Variants in TENM2 observed in about 807,000 individuals in gnomAD.
TENM2 encodes the protein teneurin-2.
TENM2 carries 52 observed loss-of-function variants against 245.2 expected under a neutral mutation model. The ratio of observed to expected loss-of-function variants is 0.21; its 90% CI spans 0.17 to 0.27. The LOEUF (loss-of-function observed/expected upper bound fraction) is 0.27, where lower values mean the gene tolerates loss of function less well. Among genes scored for constraint, TENM2 ranks in the 10% least tolerant of loss-of-function variants. The pLI is 1.00. For synonymous variants in TENM2, 1,363 were observed against 1,438.9 expected (o/e 0.95, Z 1.19); for missense variants, 3,046 against 3,666.8 (o/e 0.83, Z 4.37).
At chr5:167,722,113 G>A (rs1020064090) in intron 2 of TENM2, among the ~76,000 whole-genome samples, 1 of 152,114 alleles carries the variant, frequency 6.6e-6, no homozygotes, top group Non-Finnish European at 1.5e-5. Context: ...AAATCCCCAT[G>A]TGTCACCCAA....
intron 2 of TENM2, among the ~76,000 whole-genome samples, chr5:167,520,843 C>A (rs1283732271): frequency 6.6e-6 from 1 of 151,648 alleles, no homozygotes; most frequent in Non-Finnish European, 1.5e-5. Context: ...ACTTTCAGCT[C>A]CAATTTTTAA....
intron 9 of TENM2, among the ~76,000 whole-genome samples, chr5:168,102,262 G>A (rs10067085): frequency 0.018 from 2,752 of 152,028 alleles, 81 homozygotes; most frequent in African/African-American, 0.063. Flanking sequence ...TAGTAAAGAC[G>A]GGGTTTCTCC....
In TENM2 at chr5:167,697,385, G is replaced by A. The variant is rs185982820; in HGVS notation, c.503-178601G>A. Among the ~76,000 whole-genome samples, 8 of 152,242 alleles carry A rather than the reference G, an allele frequency of 5.3e-5. No individual in the cohort carries two copies. In the East Asian group the frequency reaches 1.5e-3, roughly 29 times the overall value. On this transcript the variant is annotated intron_variant, in intron 2 of 28. Coordinates refer to ENST00000518659, the Ensembl canonical transcript of TENM2. ...CTTATTTCGAATTGTAATCACGTAT[G>A]CATCCTGTGTTCATTAGTTTAATAT...
chr5:167,713,693 T>G (rs1223552621), intron 2 of TENM2, among the ~76,000 whole-genome samples: 4 of 152,160 alleles, frequency 2.6e-5, no homozygotes, highest in Admixed American at 6.5e-5. Context: ...TGCACACAAT[T>G]TGGTGAGCAC....
chr5:167,715,694 T>C (rs1191867442), intron 2 of TENM2, among the ~76,000 whole-genome samples: 1 of 152,152 alleles, frequency 6.6e-6, no homozygotes, highest in Admixed American at 6.5e-5. Context: ...AATGATAAGG[T>C]CACATTTTCT....
At chr5:167,707,142 T>A (rs1005365438) in intron 2 of TENM2, among the ~76,000 whole-genome samples, 5 of 152,230 alleles carry the variant, frequency 3.3e-5, no homozygotes, top group Admixed American at 6.5e-5. Flanking sequence ...TGGTTTTGAT[T>A]TGTATTTCCA....
At chr5:167,935,924 G>A (rs192317484) in intron 3 of TENM2, among the ~76,000 whole-genome samples, 3 of 151,988 alleles carry the variant, frequency 2.0e-5, no homozygotes, top group East Asian at 1.9e-4. Flanking sequence ...CTCATGTTCT[G>A]TATCTCTACC....
chr5:167,754,633 G>T (rs1422805573), intron 2 of TENM2, among the ~76,000 whole-genome samples: 1 of 150,746 alleles, frequency 6.6e-6, no homozygotes, highest in Non-Finnish European at 1.5e-5. Context: ...AAAAAATTAA[G>T]TATACACAGT....
At chr5:167,857,192 A>C (rs879602833) in intron 2 of TENM2, among the ~76,000 whole-genome samples, 1 of 152,234 alleles carries the variant, frequency 6.6e-6, no homozygotes, top group Admixed American at 6.5e-5. Flanking sequence ...TGTATAAAGG[A>C]GAGGTATAGA....
At chr5:167,467,513 T>A (rs1766739846) in intron 2 of TENM2, among the ~76,000 whole-genome samples, 2 of 28,630 alleles carry the variant, frequency 7.0e-5, no homozygotes, top group Admixed American at 4.8e-4. Flanking sequence ...TACTCTTGTT[T>A]GAGAAAAAAA....
At chr5:167,222,777 CAA>C in the TENM2 span, among the ~76,000 whole-genome samples, 1 of 152,134 alleles carries the variant, frequency 6.6e-6, no homozygotes, top group Admixed American at 6.5e-5. Context: ...CACTCAGCTT[CAA>C]TTTCCTACAA....
At chr5:168,243,400 A>G (rs539543790) in intron 25 of TENM2, among the ~76,000 whole-genome samples, 1 of 152,302 alleles carries the variant, frequency 6.6e-6, no homozygotes, top group African/African-American at 2.4e-5. Context: ...GAAATCCCCT[A>G]GCCCTGCTGA....
intron 2 of TENM2, among the ~76,000 whole-genome samples, chr5:167,696,416 A>G (rs145169991): frequency 1.3e-5 from 2 of 152,328 alleles, no homozygotes; most frequent in East Asian, 3.9e-4. Context: ...TGCATAGAAC[A>G]ATAGTAGTTC....
chr5:168,226,990 C>CTAT (rs1392081791), intron 24 of TENM2, among the ~76,000 whole-genome samples: 20 of 152,322 alleles, frequency 1.3e-4, no homozygotes, highest in African/African-American at 4.8e-4. Flanking sequence ...TTCAATGACT[C>CTAT]TATTTCTGCT....
intron 25 of TENM2, among the ~76,000 whole-genome samples, chr5:168,233,182 T>G (rs144835957): frequency 1.4e-4 from 21 of 152,028 alleles, no homozygotes; most frequent in African/African-American, 4.8e-4. Context: ...AAAAATCAGC[T>G]GGGTGTGGTG....
the TENM2 span, among the ~76,000 whole-genome samples, chr5:167,226,856 G>A: frequency 6.6e-6 from 1 of 151,732 alleles, no homozygotes; most frequent in Non-Finnish European, 1.5e-5. Flanking sequence ...ATGAATCTGG[G>A]TGCTCCAATG....
intron 2 of TENM2, chr5:167,653,358 C>T (rs778268372): frequency 1.8e-4 from 28 of 152,222 alleles, no homozygotes; most frequent in African/African-American, 6.3e-4. Context: ...GGGCTTAAGA[C>T]AATCCTCCCA....
At chr5:167,119,283 G>A in the TENM2 span, among the ~76,000 whole-genome samples, 1 of 152,192 alleles carries the variant, frequency 6.6e-6, no homozygotes, top group African/African-American at 2.4e-5. Flanking sequence ...TAGGTAGTGA[G>A]CACTTTCTAC....
chr5:167,203,242 C>T, the TENM2 span, among the ~76,000 whole-genome samples: 10 of 152,164 alleles, frequency 6.6e-5, no homozygotes, highest in African/African-American at 2.2e-4. Context: ...CGATCAATGG[C>T]AGATGCAACT....
Sources: gnomAD v4.1 joint callset for allele counts (sites outside exome capture counted in the v4.1 genomes callset) on GRCh38, gnomAD v4.1.1 for gene constraint, MANE v1.5 for transcripts, NCBI Gene and HGNC (gene_info 2026-07-23, HGNC 2026-07-21) for gene names.